EFCAB13: variants seen among roughly 807,000 people sequenced by gnomAD.
EFCAB13 encodes EF-hand calcium-binding domain-containing protein 13.
In EFCAB13, 91 loss-of-function variants were observed where a neutral mutation model predicts 110.2. The observed-to-expected ratio is 0.83, with a 90% CI of 0.70 to 0.98. EFCAB13 has a LOEUF of 0.98. Ranked by LOEUF, EFCAB13 falls within the 50% of genes least tolerant of loss-of-function variation. EFCAB13 has a pLI of 0.00. For missense variants in EFCAB13, 968 were observed against 1,119.4 expected, an observed-to-expected ratio of 0.86 and a Z score of 1.93; for synonymous variants, 323 against 369.9, an observed-to-expected ratio of 0.87 and a Z score of 1.45.
At chr17:47,359,876 T>C (rs934052296) in intron 9 of EFCAB13, among the ~76,000 whole-genome samples, 3 of 146,580 alleles carry the variant, frequency 2.0e-5, no homozygotes, top group Non-Finnish European at 3.0e-5. Context: ...ACATGCGGTG[T>C]TTGGTTTTTT....
intron 17 of EFCAB13, among the ~76,000 whole-genome samples, chr17:47,397,983 G>A (rs1264630766): frequency 8.5e-4 from 123 of 144,624 alleles, no homozygotes; most frequent in South Asian, 1.8e-3. Context: ...TCAGCCCCCC[G>A]CCCGGCCAGC....
chr17:47,367,516 T>G (rs533839323), intron 10 of EFCAB13, among the ~76,000 whole-genome samples: 30 of 152,286 alleles, frequency 2.0e-4, no homozygotes, highest in African/African-American at 7.2e-4. Context: ...AGGAGCCGGG[T>G]GGAGCTGTGG....
chr17:47,402,045 C>A, intron 17 of EFCAB13, 87 bp from the exon 18 acceptor site: 1 of 990,838 alleles, frequency 1.0e-6, no homozygotes, highest in Admixed American at 1.8e-5. Context: ...AGGAGTGCAT[C>A]AAATGGTTTA....
chr17:47,325,962 A>ATATATATC (rs2065283472), intron 2 of EFCAB13, among the ~76,000 whole-genome samples: 1 of 107,106 alleles, frequency 9.3e-6, no homozygotes, highest in South Asian at 3.1e-4. Context: ...ATATATATAT[A>ATATATATC]GCATATATAT....
In EFCAB13 at chr17:47,323,979, GC is replaced by G. The variant is rs2065264077; in HGVS notation, c.-412del. 1 of 152,568 alleles carries G rather than the reference GC, an allele frequency of 6.6e-6. No individual in the cohort carries two copies. The highest frequency in any genetic ancestry group is 1.5e-5 in the Non-Finnish European group (1 of 68,400). 9.5% of individuals were successfully genotyped at this position (152,568 alleles called of 1,614,324 possible). The stretch of plus-strand genomic sequence containing the variant: ...CGCGGCGCGGGATCCTGGGAAGGCT[GC>G]AGAGCTAGAGCAGCGCCGCCCGAGG... On this transcript the variant is annotated 5_prime_UTR_variant, in exon 1 of 25. Coordinates refer to ENST00000331493, the MANE Select transcript of EFCAB13 (RefSeq NM_152347.5).
chr17:47,356,737 A>C (rs148752748), intron 9 of EFCAB13, among the ~76,000 whole-genome samples: 1 of 152,270 alleles, frequency 6.6e-6, no homozygotes, highest in African/African-American at 2.4e-5. Context: ...CTGCAGTAGT[A>C]TAGGGAGATT....
intron 5 of EFCAB13, 105 bp downstream of exon 5, chr17:47,335,461 T>A: frequency 1.1e-6 from 1 of 874,990 alleles, no homozygotes; most frequent in Non-Finnish European, 1.7e-6. Context: ...ACCATGTGTA[T>A]AGGATCATGC....
At chr17:47,372,767 G>A (rs2065592138) in intron 11 of EFCAB13, among the ~76,000 whole-genome samples, 1 of 152,086 alleles carries the variant, frequency 6.6e-6, no homozygotes, top group Non-Finnish European at 1.5e-5. Flanking sequence ...CATTCTCTAT[G>A]GACCCATAAG....
intron 10 of EFCAB13, among the ~76,000 whole-genome samples, chr17:47,365,767 A>G (rs781638831): frequency 2.6e-5 from 4 of 152,142 alleles, no homozygotes; most frequent in Non-Finnish European, 4.4e-5. Flanking sequence ...TGGGGCAGAA[A>G]GAGGATTGTA....
intron 14 of EFCAB13, among the ~76,000 whole-genome samples, chr17:47,385,101 A>T (rs552298072): frequency 6.6e-6 from 1 of 152,190 alleles, no homozygotes; most frequent in East Asian, 1.9e-4. Flanking sequence ...AACCGTGGAG[A>T]GTCTGATGAT....
At chr17:47,330,259 G>A (rs1047224004) in intron 4 of EFCAB13, among the ~76,000 whole-genome samples, 3 of 151,308 alleles carry the variant, frequency 2.0e-5, no homozygotes, top group Non-Finnish European at 3.0e-5. Context: ...TTTAAATATA[G>A]GCTTTGTTTT....
Position 47,344,285 on chromosome 17 carries a change from A to G in EFCAB13, c.427A>G (p.Ile143Val). ...ATCACCTCTTTGTACATCTTCTGCA[A>G]TTACTCGGTATTTAAATCCTTGTAC... ...TSSPLCTSSA[I>V]TREKEMLSNL... Residue 143 changes from isoleucine (I) to valine (V), a missense_variant, in exon 7 of 25, where the codon ATT becomes GTT. By Grantham distance (29) the Ile-to-Val change is conservative. Transcript: ENST00000331493. 6.2e-7 allele frequency: 1 copy of G among 1,611,742 alleles called. No individual in the cohort carries two copies. Among genetic ancestry groups the G allele is most frequent in the Non-Finnish European group, 8.5e-7 (1 of 1,178,582 alleles).
chr17:47,336,266 A>G (rs1598719225), intron 5 of EFCAB13, among the ~76,000 whole-genome samples: 1 of 149,724 alleles, frequency 6.7e-6, no homozygotes. Context: ...AGCTGGGACT[A>G]CAGGCGTGCG....
chr17:47,374,491 T>C lies in EFCAB13; in HGVS notation c.897T>C (p.Pro299=). Residue 299 remains proline (P), a synonymous_variant, in exon 12 of 25, where the codon CCT becomes CCC. Coordinates refer to ENST00000331493, the MANE Select transcript of EFCAB13 (RefSeq NM_152347.5). The part of the protein sequence containing the change: ...YEDVSITEGS[P]LNEITSDRKL... Reference sequence around the variant, plus strand: ...ATTTAGCAATTACAGAAGGATCACCTTTGAATGAAATTACTTCAGACAGAA... The same window carrying C: ...ATTTAGCAATTACAGAAGGATCACCCTTGAATGAAATTACTTCAGACAGAA... The C allele has an allele frequency of 6.5e-7, 1 of 1,529,634 alleles. No individual in the cohort carries two copies. 94.8% of individuals were successfully genotyped at this position (1,529,634 alleles called of 1,614,324 possible).
In EFCAB13 at chr17:47,403,910, C is replaced by G; in HGVS notation, c.2050C>G (p.Leu684Val). ...LQEVVLAADL[L>V]EGDMIAGKNL... The stretch of plus-strand genomic sequence containing the variant: ...GGAAGTTGTCTTAGCTGCTGATTTG[C>G]TGGAAGGTGACATGATAGCTGGGAA... The change falls in exon 19 of 25, where the codon CTG (leucine) becomes GTG (valine). Residue 684 changes from leucine (L) to valine (V), a missense_variant. Coordinates refer to ENST00000331493, the MANE Select transcript of EFCAB13 (RefSeq NM_152347.5). The G allele has an allele frequency of 1.2e-6, 2 of 1,609,766 alleles. No homozygotes were observed. Among genetic ancestry groups the G allele is most frequent in the Non-Finnish European group, 1.7e-6 (2 of 1,177,890 alleles).
chr17:47,326,970 A>C (rs975719452), intron 3 of EFCAB13, among the ~76,000 whole-genome samples: 1 of 152,182 alleles, frequency 6.6e-6, no homozygotes, highest in Non-Finnish European at 1.5e-5. Context: ...AAAAAGACTG[A>C]TGATTATAAC....
At chr17:47,392,456 T>C (rs1220077902) in intron 15 of EFCAB13, among the ~76,000 whole-genome samples, 1 of 150,818 alleles carries the variant, frequency 6.6e-6, no homozygotes, top group Non-Finnish European at 1.5e-5. Context: ...ATGTGTGTGT[T>C]GGGGGGTGGG....
chr17:47,367,074 T>A (rs1299463834), intron 10 of EFCAB13, among the ~76,000 whole-genome samples: 1 of 152,190 alleles, frequency 6.6e-6, no homozygotes, highest in Non-Finnish European at 1.5e-5. Flanking sequence ...GGAATCAATC[T>A]ACCACAAGTG....
At chr17:47,343,394 T>G (rs950747044) in intron 6 of EFCAB13, among the ~76,000 whole-genome samples, 31 of 152,118 alleles carry the variant, frequency 2.0e-4, no homozygotes, top group African/African-American at 7.2e-4. Flanking sequence ...GTCTTTCTTT[T>G]TTTCTAACCT....
Sources: gnomAD v4.1 joint callset for allele counts (sites outside exome capture counted in the v4.1 genomes callset) on GRCh38, gnomAD v4.1.1 for gene constraint, MANE v1.5 for transcripts, NCBI Gene and HGNC (gene_info 2026-07-23, HGNC 2026-07-21) for gene names.